NKTR: variants seen among roughly 807,000 people sequenced by gnomAD.
The protein encoded by NKTR is NK-tumor recognition protein.
Under a neutral mutation model 156.3 loss-of-function variants are expected in NKTR, and 67 were observed. The observed-to-expected ratio is 0.43, with a 90% CI of 0.35 to 0.53. The LOEUF (loss-of-function observed/expected upper bound fraction) is 0.53, where lower values mean the gene tolerates loss of function less well. Ranked by LOEUF, NKTR falls within the 20% of genes least tolerant of loss-of-function variation. The probability of loss-of-function intolerance (pLI) is 0.01; values close to 1 mark genes in which losing one functional copy is unlikely to be tolerated. For synonymous variants in NKTR, 640 were observed against 596.6 expected (o/e 1.07, Z -1.06); for missense variants, 1,604 against 1,730.9 (o/e 0.93, Z 1.30).
chr3:42,600,940 G>C, intron 1 of NKTR, 44 bp from the exon 2 acceptor site: 38 of 924,784 alleles, frequency 4.1e-5, no homozygotes, highest in Non-Finnish European at 5.2e-5. Flanking sequence ...CCTCGCCCCC[G>C]CCCTCGCCCC....
intron 1 of NKTR, 56 bp from the exon 2 acceptor site, chr3:42,600,928 G>T: frequency 1.8e-6 from 2 of 1,128,104 alleles, no homozygotes. Context: ...CCTCGCCCCT[G>T]CCCTCGCCCC....
chr3:42,628,713 C>T (rs1418624243), intron 6 of NKTR: 5 of 984,470 alleles, frequency 5.1e-6, no homozygotes, highest in Non-Finnish European at 6.0e-6. Flanking sequence ...TTTTTAAAAG[C>T]CCTTTTGGCT....
intron 16 of NKTR, among the ~76,000 whole-genome samples, chr3:42,645,399 T>C (rs149475996): frequency 6.6e-6 from 1 of 152,326 alleles, no homozygotes; most frequent in African/African-American, 2.4e-5. Flanking sequence ...AAGTCCATAG[T>C]GTGAGTCGGG....
At position 42,633,768 on chromosome 3, in the gene NKTR, T is replaced by C. The variant is rs769432367; in HGVS notation, c.929+33T>C. On this transcript the variant is annotated intron_variant, in intron 10 of 16. Transcript: ENST00000232978. ...GGATGACTAAACTATTTATTTTTAT[T>C]TCTCCGATAACACTGTTCCGTCAGC... The C allele has an allele frequency of 2.5e-5, 40 of 1,612,398 alleles. No homozygotes were observed. In the Admixed American group the frequency reaches 5.0e-4, roughly 20 times the overall value.
rs1180271713 is a variant in NKTR, at chr3:42,638,607, A to C, written c.2903A>C (p.Glu968Ala). The change falls in exon 13 of 17, where the codon GAA becomes GCA. Residue 968 changes from glutamate to alanine, a missense_variant. Glu to Ala is a moderately radical substitution (Grantham distance 107). Around this residue, in one of 6 missense-constraint regions of NKTR, gnomAD observed 1,255 missense variants for 1,243.7 expected, o/e 1.01. Transcript: ENST00000232978. ...TCTGAGGGGTCCTGTTCCAATTCGG[A>C]AAACAATAGGGGAAAGCCACAAAAG... ...SDSEGSCSNSENNRGKPQKHK... is the reference protein window; with the variant it reads ...SDSEGSCSNSANNRGKPQKHK... 3 of 1,614,002 alleles carry C rather than the reference A, an allele frequency of 1.9e-6. No homozygotes were observed. Among genetic ancestry groups the C allele is most frequent in the Non-Finnish European group, 1.7e-6 (2 of 1,179,986 alleles).
chr3:42,641,674 TC>T, intron 13 of NKTR, among the ~76,000 whole-genome samples: 1 of 152,246 alleles, frequency 6.6e-6, no homozygotes, highest in East Asian at 1.9e-4. Flanking sequence ...GGTCAGGAGT[TC>T]AACACCAGCC....
At chr3:42,604,142 G>A (rs1034898877) in intron 2 of NKTR, among the ~76,000 whole-genome samples, 2 of 152,162 alleles carry the variant, frequency 1.3e-5, no homozygotes, top group Non-Finnish European at 2.9e-5. Flanking sequence ...GTCTGTAGTG[G>A]TGTCTCTTTT....
At chr3:42,620,845 A>G in intron 5 of NKTR, 1 of 984,418 alleles carries the variant, frequency 1.0e-6, no homozygotes, top group Non-Finnish European at 1.2e-6. Context: ...GTATTTTGCT[A>G]TTTAAATTTT....
At chr3:42,635,157 C>G in intron 11 of NKTR, 64 bp from the exon 12 acceptor site, 1 of 1,319,468 alleles carries the variant, frequency 7.6e-7, no homozygotes. Flanking sequence ...TTACTTAACT[C>G]TGTCACATAG....
intron 15 of NKTR, 170 bp downstream of exon 15, chr3:42,643,565 A>G (rs1171519034): frequency 4.7e-6 from 3 of 643,902 alleles, no homozygotes; most frequent in Non-Finnish European, 8.4e-6. Context: ...CTGTTGGCCC[A>G]TTGTACTCCA....
Position 42,619,423 on chromosome 3 carries a change from T to A in NKTR, c.242-241T>A. The A allele has an allele frequency of 6.1e-6, 8 of 1,311,412 alleles. No homozygotes were observed. In the South Asian group the frequency reaches 1.4e-4, roughly 24 times the overall value. 81.2% of individuals were successfully genotyped at this position (1,311,412 alleles called of 1,614,324 possible). On this transcript the variant is annotated intron_variant, in intron 4 of 16. Transcript: ENST00000232978. Reference sequence around the variant, plus strand: ...GATTGCTTTTGTTCTGGAATGTTTTTGGTGTTATTACTGTTTGAAATAAGT... The same window carrying A: ...GATTGCTTTTGTTCTGGAATGTTTTAGGTGTTATTACTGTTTGAAATAAGT...
chr3:42,616,145 A>G (rs1007567168), intron 2 of NKTR, among the ~76,000 whole-genome samples: 9 of 152,204 alleles, frequency 5.9e-5, no homozygotes, highest in Non-Finnish European at 1.0e-4. Context: ...CAGGAATACA[A>G]TACAGTCTTA....
At chr3:42,621,260 A>G in intron 5 of NKTR, 169 bp from the exon 6 acceptor site, 2 of 1,308,356 alleles carry the variant, frequency 1.5e-6, no homozygotes, top group Non-Finnish European at 1.9e-6. Flanking sequence ...TGGCCTTTTT[A>G]TGCTTTTGTT....
intron 2 of NKTR, among the ~76,000 whole-genome samples, chr3:42,611,592 G>A (rs1286359429): frequency 2.0e-5 from 3 of 152,026 alleles, no homozygotes; most frequent in Non-Finnish European, 4.4e-5. Flanking sequence ...AATTAGCTGG[G>A]CATAGTGGTA....
chr3:42,646,219 A>T lies in NKTR; in HGVS notation c.*244A>T. On this transcript the variant is annotated 3_prime_UTR_variant, in exon 17 of 17. Coordinates refer to ENST00000232978, the MANE Select transcript of NKTR (RefSeq NM_005385.4). ...ATGGAAATGAATTTCATTTTCTTGAATCAAGAAATCGTGAAATTTATCTAT... is the reference window on the plus strand; with the variant it reads ...ATGGAAATGAATTTCATTTTCTTGATTCAAGAAATCGTGAAATTTATCTAT... 1 of 367,536 alleles carries T rather than the reference A, an allele frequency of 2.7e-6. No homozygotes were observed. Among genetic ancestry groups the T allele is most frequent in the South Asian group, 4.6e-5 (1 of 21,970 alleles). The allele number at this position is 367,536 out of a possible 1,614,324, so 22.8% of individuals were successfully genotyped here.
chr3:42,643,129 C>T (rs965755218), intron 14 of NKTR, among the ~76,000 whole-genome samples: 2 of 152,194 alleles, frequency 1.3e-5, no homozygotes, highest in Non-Finnish European at 2.9e-5. Flanking sequence ...CTATATGCAT[C>T]TCAGAGAAGA....
At chr3:42,619,771 T>C (rs1707736287) in intron 5 of NKTR, 63 bp downstream of exon 5, 2 of 1,594,590 alleles carry the variant, frequency 1.3e-6, no homozygotes, top group Middle Eastern at 1.7e-4. Flanking sequence ...TTTGATCATA[T>C]ACTTTTAATG....
At chr3:42,635,439 T>C in intron 12 of NKTR, 73 bp downstream of exon 12, 1 of 1,190,222 alleles carries the variant, frequency 8.4e-7, no homozygotes, top group Non-Finnish European at 1.2e-6. Flanking sequence ...GATACAATTC[T>C]GGACTTTTCA....
At chr3:42,612,718 C>A (rs1706961314) in intron 2 of NKTR, among the ~76,000 whole-genome samples, 1 of 152,060 alleles carries the variant, frequency 6.6e-6, no homozygotes, top group Non-Finnish European at 1.5e-5. Context: ...CAGCCTATTC[C>A]TTAAAAATGG....
Sources: gnomAD v4.1 joint callset for allele counts (sites outside exome capture counted in the v4.1 genomes callset) on GRCh38, gnomAD v4.1.1 for gene constraint, gnomAD v4.1.1 regional missense constraint, MANE v1.5 for transcripts, NCBI Gene and HGNC (gene_info 2026-07-23, HGNC 2026-07-21) for gene names.